SMIM8: variants seen among roughly 807,000 people sequenced by gnomAD.
SMIM8 encodes UPF0708 protein C6orf162.
Under a neutral mutation model 8.1 loss-of-function variants are expected in SMIM8, and 8 were observed. The observed-to-expected ratio is 0.99, with a 90% CI of 0.58 to 1.78. SMIM8 has a LOEUF of 1.78. SMIM8 is among the 40% of genes most tolerant of loss of function. The probability of loss-of-function intolerance (pLI) is 0.00; values close to 1 mark genes in which losing one functional copy is unlikely to be tolerated. For synonymous variants in SMIM8, 45 were observed against 39.7 expected (o/e 1.13, Z -0.50); for missense variants, 126 against 119.8 (o/e 1.05, Z -0.24).
intron 3 of SMIM8, among the ~76,000 whole-genome samples, chr6:87,338,943 T>C (rs536020183): frequency 7.3e-6 from 1 of 136,326 alleles, no homozygotes; most frequent in Admixed American, 7.9e-5. Context: ...GCATCATGAC[T>C]CATGTCTGCA....
chr6:87,327,922 A>T (rs1776871875), intron 1 of SMIM8, among the ~76,000 whole-genome samples: 4 of 149,576 alleles, frequency 2.7e-5, no homozygotes, highest in Admixed American at 6.6e-5. Context: ...CTTTTCACAT[A>T]GTCCCATATT....
At chr6:87,324,208 C>T (rs1776758349) in intron 1 of SMIM8, among the ~76,000 whole-genome samples, 1 of 152,134 alleles carries the variant, frequency 6.6e-6, no homozygotes, top group South Asian at 2.1e-4. Flanking sequence ...TGAAAATTTT[C>T]TCCCATTTTG....
intron 3 of SMIM8, among the ~76,000 whole-genome samples, chr6:87,339,540 C>T (rs904073315): frequency 1.3e-5 from 2 of 151,954 alleles, no homozygotes; most frequent in Non-Finnish European, 2.9e-5. Context: ...AGCATAATAG[C>T]TGTTCCCATC....
chr6:87,327,988 G>A (rs1259447169), intron 1 of SMIM8, among the ~76,000 whole-genome samples: 4 of 150,780 alleles, frequency 2.7e-5, no homozygotes, highest in South Asian at 2.1e-4. Flanking sequence ...TTCCCTTCTC[G>A]CTTCATTTCA....
rs369774647 is a variant in SMIM8, at chr6:87,341,753, C to T, written c.*1479C>T. ...ACTAAATAAAATCTTTACTACTGAG[C>T]CCCAAATATGTATTTGCTATGCCTG... On this transcript the variant is annotated 3_prime_UTR_variant, in exon 4 of 4. Transcript: ENST00000392863. The T allele has an allele frequency of 6.5e-6, 1 of 153,300 alleles. No individual in the cohort carries two copies. Among genetic ancestry groups the T allele is most frequent in the East Asian group, 1.9e-4 (1 of 5,230 alleles). 9.5% of individuals were successfully genotyped at this position (153,300 alleles called of 1,614,324 possible). A position where few individuals can be genotyped will look rare whatever the true frequency, so the allele number is the denominator to read the frequency against.
intron 1 of SMIM8, among the ~76,000 whole-genome samples, chr6:87,323,393 T>G (rs1204612514): frequency 6.6e-6 from 1 of 151,776 alleles, no homozygotes; most frequent in Non-Finnish European, 1.5e-5. Flanking sequence ...CATCTAACAT[T>G]AGGTATATCT....
chr6:87,337,987 A>C (rs546297444), intron 3 of SMIM8, among the ~76,000 whole-genome samples: 1 of 152,344 alleles, frequency 6.6e-6, no homozygotes, highest in South Asian at 2.1e-4. Flanking sequence ...TCAAATTAAA[A>C]TAAAATATGA....
chr6:87,322,873 G>C (rs994000211), intron 1 of SMIM8: 2 of 152,298 alleles, frequency 1.3e-5, no homozygotes, highest in African/African-American at 4.8e-5. Context: ...CACCTTGCGG[G>C]CTCCAGTTTG....
chr6:87,341,860 C>G lies in SMIM8; in HGVS notation c.*1586C>G, dbSNP rs957498073. 1 of 152,056 alleles carries G rather than the reference C, an allele frequency of 6.6e-6. No homozygotes were observed. The highest frequency in any genetic ancestry group is 1.5e-5 in the Non-Finnish European group (1 of 68,010). The allele number at this position is 152,056 out of a possible 1,614,324, so 9.4% of individuals were successfully genotyped here. A position where few individuals can be genotyped will look rare whatever the true frequency, so the allele number is the denominator to read the frequency against. On this transcript the variant is annotated 3_prime_UTR_variant, in exon 4 of 4. Transcript: ENST00000392863. ...TTAAAGACTCTTTTGTTTTTGTTTT[C>G]CCTGTGTATTTTGGCTATCACAAAA... is the stretch of plus-strand genomic sequence containing the variant.
intron 3 of SMIM8, among the ~76,000 whole-genome samples, chr6:87,337,802 A>T (rs927956489): frequency 1.3e-5 from 2 of 151,958 alleles, no homozygotes; most frequent in African/African-American, 4.8e-5. Flanking sequence ...CATTTTTAAA[A>T]TTTTTTGTAG....
chr6:87,324,904 A>G (rs1161334710), intron 1 of SMIM8, among the ~76,000 whole-genome samples: 1 of 152,226 alleles, frequency 6.6e-6, no homozygotes, highest in Non-Finnish European at 1.5e-5. Flanking sequence ...ACGCATGAGC[A>G]TGGAATGTTC....
chr6:87,324,049 TG>T (rs1458406414), intron 1 of SMIM8, among the ~76,000 whole-genome samples: 2 of 150,234 alleles, frequency 1.3e-5, no homozygotes, highest in Admixed American at 6.6e-5. Context: ...TTTTCATGTG[TG>T]TTTTGGCTGC....
chr6:87,326,191 A>G (rs187136759), intron 1 of SMIM8, among the ~76,000 whole-genome samples: 7 of 152,128 alleles, frequency 4.6e-5, no homozygotes, highest in East Asian at 3.9e-4. Flanking sequence ...CGGTCTATCA[A>G]TTTTGTTGAT....
rs67213671 is a variant in SMIM8, at chr6:87,341,386, CA to C, written c.*1113del. 176,347 of 397,564 alleles carry C rather than the reference CA, an allele frequency of 0.44. 39,619 individuals carry two copies. The highest frequency in any genetic ancestry group is 0.46 in the Non-Finnish European group (104,684 of 225,520). 24.6% of individuals were successfully genotyped at this position (397,564 alleles called of 1,614,324 possible). ...GCCTTGGTTGTCCTGGCACCTGGCC[CA>C]GGGGCCTAGGACAGAGGTCAAGGCT... On this transcript the variant is annotated 3_prime_UTR_variant, in exon 4 of 4. Coordinates refer to ENST00000392863, the MANE Select transcript of SMIM8 (RefSeq NM_001042493.3).
In SMIM8 at chr6:87,337,177, C is replaced by A; in HGVS notation, c.135+11C>A. 6.2e-7 allele frequency: 1 copy of A among 1,602,570 alleles called. No individual in the cohort carries two copies. The highest frequency in any genetic ancestry group is 1.1e-5 in the South Asian group (1 of 88,184). On this transcript the variant is annotated intron_variant, in intron 3 of 3. Coordinates refer to ENST00000392863, the MANE Select transcript of SMIM8 (RefSeq NM_001042493.3). ...CTCTTCATTAAACCTGTAAGAAATA[C>A]ATCCAGGATAAGACTTTGTGTTTAA...
chr6:87,335,466 G>T (rs1777094347), intron 2 of SMIM8, among the ~76,000 whole-genome samples: 1 of 152,168 alleles, frequency 6.6e-6, no homozygotes, highest in East Asian at 1.9e-4. Context: ...GATGGAACCA[G>T]CAACAGTGAA....
intron 3 of SMIM8, among the ~76,000 whole-genome samples, chr6:87,339,603 A>G (rs1398726063): frequency 1.3e-5 from 2 of 152,260 alleles, no homozygotes; most frequent in South Asian, 2.1e-4. Context: ...TGTATACATC[A>G]TCATCATTTC....
intron 1 of SMIM8, among the ~76,000 whole-genome samples, chr6:87,328,077 A>C (rs1776879168): frequency 6.6e-6 from 1 of 152,064 alleles, no homozygotes; most frequent in African/African-American, 2.4e-5. Flanking sequence ...TTCTTCACGT[A>C]GTTCTTGAGC....
chr6:87,338,683 TA>T (rs1223034059), intron 3 of SMIM8, among the ~76,000 whole-genome samples: 1 of 152,174 alleles, frequency 6.6e-6, no homozygotes, highest in Non-Finnish European at 1.5e-5. Context: ...ATTCCACAGT[TA>T]AAGAGTTTCT....
Sources: gnomAD v4.1 joint callset for allele counts (sites outside exome capture counted in the v4.1 genomes callset) on GRCh38, gnomAD v4.1.1 for gene constraint, MANE v1.5 for transcripts, NCBI Gene and HGNC (gene_info 2026-07-23, HGNC 2026-07-21) for gene names.